The following TRMO variants were observed in gnomAD, a reference collection of about 807,000 sequenced individuals.
The protein encoded by TRMO is tRNA (adenine(37)-N6)-methyltransferase.
Under a neutral mutation model 37.2 loss-of-function variants are expected in TRMO, and 30 were observed. The observed-to-expected ratio is 0.81, with a 90% CI of 0.60 to 1.09. The LOEUF is 1.09. Among genes scored for constraint, TRMO ranks in the 50% least tolerant of loss-of-function variants. TRMO has a pLI of 0.00. For synonymous variants in TRMO, 239 were observed against 199.4 expected (o/e 1.20, Z -1.67); for missense variants, 552 against 549.5 (o/e 1.00, Z -0.05).
intron 3 of TRMO, chr9:97,912,809 C>A: frequency 1.5e-6 from 1 of 676,304 alleles, no homozygotes; most frequent in Non-Finnish European, 2.4e-6. Context: ...GGAATGCTTT[C>A]CATAAATGCG....
At chr9:97,920,781 C>T (rs1219066108) in intron 1 of TRMO, among the ~76,000 whole-genome samples, 1 of 152,202 alleles carries the variant, frequency 6.6e-6, no homozygotes, top group East Asian at 1.9e-4. Flanking sequence ...GTCCCCACTG[C>T]AAGTTCTTCC....
intron 4 of TRMO, among the ~76,000 whole-genome samples, 175 bp downstream of exon 4, chr9:97,909,785 T>C (rs1826023940): frequency 6.6e-6 from 1 of 152,198 alleles, no homozygotes; most frequent in Non-Finnish European, 1.5e-5. Context: ...GACCACACAG[T>C]TGTCCAACAA....
chr9:97,908,514 G>A (rs544485208), intron 4 of TRMO, among the ~76,000 whole-genome samples: 18 of 152,168 alleles, frequency 1.2e-4, no homozygotes, highest in South Asian at 4.2e-4. Flanking sequence ...GCTTGAGCCC[G>A]GAAGGCTGAG....
chr9:97,907,033 T>C (rs1299019225), intron 4 of TRMO, among the ~76,000 whole-genome samples: 1 of 152,210 alleles, frequency 6.6e-6, no homozygotes, highest in Non-Finnish European at 1.5e-5. Context: ...TATACAGTGA[T>C]GTAATGATTT....
chr9:97,899,314 A>G, the TRMO span, among the ~76,000 whole-genome samples: 7 of 152,124 alleles, frequency 4.6e-5, no homozygotes, highest in African/African-American at 1.7e-4. Context: ...CCCAGATGAG[A>G]GGGGGAAGAT....
the TRMO span, among the ~76,000 whole-genome samples, chr9:97,899,106 G>T: frequency 6.6e-6 from 1 of 151,878 alleles, no homozygotes; most frequent in Non-Finnish European, 1.5e-5. Flanking sequence ...CCAAAGTGCT[G>T]GGATTACAGG....
chr9:97,922,274 GCA>G, intron 1 of TRMO, 142 bp downstream of exon 1: 2 of 635,616 alleles, frequency 3.1e-6, no homozygotes, highest in Non-Finnish European at 5.5e-6. Flanking sequence ...GGTCTCCGCA[GCA>G]CGTGACCCGT....
intron 4 of TRMO, among the ~76,000 whole-genome samples, chr9:97,908,953 T>C (rs915394029): frequency 6.6e-6 from 1 of 152,140 alleles, no homozygotes; most frequent in African/African-American, 2.4e-5. Flanking sequence ...GACATCTCCT[T>C]GGCAACCAGC....
At chr9:97,905,525 C>T (rs1404068012) in intron 4 of TRMO, among the ~76,000 whole-genome samples, 2 of 152,176 alleles carry the variant, frequency 1.3e-5, no homozygotes, top group East Asian at 3.8e-4. Context: ...TTGGGACTCT[C>T]TCACATCTGT....
chr9:97,909,897 A>T, intron 4 of TRMO, 63 bp downstream of exon 4: 1 of 1,301,286 alleles, frequency 7.7e-7, no homozygotes, highest in Non-Finnish European at 1.1e-6. Flanking sequence ...CACAAATACC[A>T]AACTTGGCTA....
Position 97,912,975 on chromosome 9 carries a change from G to C in TRMO, c.409+426C>G, listed in dbSNP as rs188676315. ...CATGATATCTGTCCATTTCCCCAAG[G>C]CTGCAAGGAAGGAATGATATACCAC... On this transcript the variant is annotated intron_variant, in intron 3 of 4. Coordinates refer to ENST00000375119, the MANE Select transcript of TRMO (RefSeq NM_016481.5). The C allele has an allele frequency of 9.3e-6, 12 of 1,291,274 alleles. No individual in the cohort carries two copies. In the African/African-American group the frequency reaches 1.8e-4, roughly 20 times the overall value. The allele number at this position is 1,291,274 out of a possible 1,614,324, so 80.0% of individuals were successfully genotyped here.
At chr9:97,922,161 A>AGCTGCTCCG (rs1260163132) in intron 1 of TRMO, among the ~76,000 whole-genome samples, 1 of 152,208 alleles carries the variant, frequency 6.6e-6, no homozygotes, top group African/African-American at 2.4e-5. Context: ...CGCTGCACGT[A>AGCTGCTCCG]GCTGCTCCAG....
intron 1 of TRMO, among the ~76,000 whole-genome samples, chr9:97,920,784 G>C (rs1462940208): frequency 6.6e-6 from 1 of 152,168 alleles, no homozygotes; most frequent in African/African-American, 2.4e-5. Context: ...CCCACTGCAA[G>C]TTCTTCCCCT....
chr9:97,911,988 T>C (rs1826146084), intron 3 of TRMO: 1 of 152,162 alleles, frequency 6.6e-6, no homozygotes, highest in South Asian at 2.1e-4. Flanking sequence ...CCTAACAATA[T>C]CTGTAGGAAA....
intron 4 of TRMO, among the ~76,000 whole-genome samples, chr9:97,908,686 T>C (rs1380670109): frequency 6.6e-6 from 1 of 152,324 alleles, no homozygotes; most frequent in African/African-American, 2.4e-5. Flanking sequence ...ATGTTGAATA[T>C]GTTTGGTCTA....
downstream of TRMO, among the ~76,000 whole-genome samples, chr9:97,900,276 T>C (rs1831141246): frequency 6.6e-6 from 1 of 152,196 alleles, no homozygotes; most frequent in African/African-American, 2.4e-5. Context: ...GCAACAACTC[T>C]GTAAGGTCAC....
chr9:97,905,755 C>T (rs1005922865), intron 4 of TRMO, among the ~76,000 whole-genome samples: 1 of 152,098 alleles, frequency 6.6e-6, no homozygotes, highest in South Asian at 2.1e-4. Context: ...GATCTTTATC[C>T]CTCTTGGAGT....
At position 97,910,085 on chromosome 9, in the gene TRMO, G is replaced by A; in HGVS notation, c.941C>T (p.Ala314Val). ...GCGGGGAGCTCCATCAGCCCTTCCA[G>A]CAGGGCAGTGAGGGGCCATGGGCTG... is the stretch of plus-strand genomic sequence containing the variant. ...ETQPMAPHCPAGRADGAPRSV... is the reference protein window; with the variant it reads ...ETQPMAPHCPVGRADGAPRSV... The change falls in exon 4 of 5, where the codon GCT becomes GTT. Residue 314 changes from alanine (A) to valine (V), a missense_variant. Physicochemically the swap from Ala to Val is moderately conservative, Grantham distance 64. Transcript: ENST00000375119. 1.2e-6 allele frequency: 2 copies of A among 1,613,958 alleles called. No individual in the cohort carries two copies. The highest frequency in any genetic ancestry group is 1.7e-6 in the Non-Finnish European group (2 of 1,179,852).
At chr9:97,908,649 A>G (rs985412748) in intron 4 of TRMO, among the ~76,000 whole-genome samples, 7 of 151,976 alleles carry the variant, frequency 4.6e-5, no homozygotes, top group African/African-American at 1.7e-4. Context: ...TTTTTCAGTA[A>G]CTCTTATCAC....
Sources: allele counts gnomAD v4.1 joint callset (sites outside exome capture counted in the v4.1 genomes callset), GRCh38; gene constraint gnomAD v4.1.1; transcripts MANE v1.5; gene names NCBI Gene and HGNC (gene_info 2026-07-23, HGNC 2026-07-21).